Variants in JSRP1 observed in about 807,000 individuals in gnomAD.
The protein encoded by JSRP1 is junctional sarcoplasmic reticulum protein 1, also known as 2310032K21Rik.
Under a neutral mutation model 21.4 loss-of-function variants are expected in JSRP1, and 29 were observed. That is an observed-to-expected ratio of 1.36 (90% CI 1.01 to 1.85). The LOEUF is 1.85. Ranked by LOEUF, JSRP1 falls within the 40% of genes most tolerant of loss-of-function variation. The probability of loss-of-function intolerance (pLI) is 0.00; values close to 1 mark genes in which losing one functional copy is unlikely to be tolerated. For synonymous variants in JSRP1, 221 were observed against 206.1 expected, an observed-to-expected ratio of 1.07 and a Z score of -0.62; for missense variants, 531 against 461.5, an observed-to-expected ratio of 1.15 and a Z score of -1.38.
chr19:2,252,930 C>T lies in JSRP1; in HGVS notation c.510G>A (p.Arg170=), dbSNP rs374778433. Residue 170 remains arginine, a synonymous_variant, in exon 6 of 7, where the codon AGG becomes AGA. Coordinates refer to ENST00000300961, the MANE Select transcript of JSRP1 (RefSeq NM_144616.4). The part of the protein sequence containing the change: ...EPWVPPSSAP[R]EPSSPLPKFE... ...CTCTTACCAGGGGCGACGATGGCTCCCTCGGGGCTGAGCTTGGCGGGACCC... is the reference window on the plus strand; with the variant it reads ...CTCTTACCAGGGGCGACGATGGCTCTCTCGGGGCTGAGCTTGGCGGGACCC... 8 of 1,610,040 alleles carry T rather than the reference C, an allele frequency of 5.0e-6. No homozygotes were observed. The African/African-American group carries it at 9.3e-5, about 19-fold the overall frequency.
In JSRP1 at chr19:2,254,260, G is replaced by A. The variant is rs753210490; in HGVS notation, c.189C>T (p.Pro63=). ...CGGCAGGCTCTTTTTCCATCTTCTT[G>A]GGCCTGGTGTCCACACTGGGGCCTT... ...VAEGPSVDTR[P]KKMEKEPAAR... Residue 63 remains proline, a synonymous_variant, in exon 4 of 7, where the codon CCC becomes CCT. Transcript: ENST00000300961. 1 of 1,604,436 alleles carries A rather than the reference G, an allele frequency of 6.2e-7. No homozygotes were observed. Among genetic ancestry groups the A allele is most frequent in the South Asian group, 1.1e-5 (1 of 89,964 alleles).
rs373864713 is a variant in JSRP1, at chr19:2,255,049, CCT to C, written c.109+155_109+156del. 2.3e-4 allele frequency among the ~76,000 whole-genome samples: 35 copies of C among 152,182 alleles called. 1 individual carries two copies. Among genetic ancestry groups the C allele is most frequent in the Middle Eastern group, 6.8e-3 (2 of 294 alleles). On this transcript the variant is annotated intron_variant, in intron 2 of 6. Transcript: ENST00000300961. ...CTTCCTTGGGGGCTCCTTACAGACCCCTGAGGCAGAAATGAGGGCCAGGGGTT... is the reference window on the plus strand; with the variant it reads ...CTTCCTTGGGGGCTCCTTACAGACCCGAGGCAGAAATGAGGGCCAGGGGTT...
At position 2,252,579 on chromosome 19, in the gene JSRP1, T is replaced by G; in HGVS notation, c.746A>C (p.Lys249Thr). The change falls in exon 7 of 7, where the codon AAG becomes ACG. Residue 249 changes from lysine (K) to threonine (T), a missense_variant. Lys to Thr is a moderately conservative substitution (Grantham distance 78, BLOSUM62 -1). Transcript: ENST00000300961. ...CTTAGGTCTCTCCTCCTTCCGCGGC[T>G]TCTCCTTCCGCGGCTTCCCCTCTCT... ...PRREGKPRKEKPRKEERPKKE... is the reference protein window; with the variant it reads ...PRREGKPRKETPRKEERPKKE... 3.1e-6 allele frequency: 5 copies of G among 1,612,536 alleles called. No individual in the cohort carries two copies. Among genetic ancestry groups the G allele is most frequent in the Non-Finnish European group, 4.2e-6 (5 of 1,179,780 alleles).
rs2025086026 is a variant in JSRP1 at position 2,253,014 on chromosome 19, A to T, written c.437-11T>A. 6.3e-7 allele frequency: 1 copy of T among 1,587,960 alleles called. No individual in the cohort carries two copies. Among genetic ancestry groups the T allele is most frequent in the Non-Finnish European group, 8.6e-7 (1 of 1,166,340 alleles). ...CCCCAGGGACGGCGTCTGCAGCGAC[A>T]GGGTCGGGACCCGAGTCAGCTGGGC... is the stretch of plus-strand genomic sequence containing the variant. On this transcript the variant is annotated splice_polypyrimidine_tract_variant and intron_variant, in intron 5 of 6. Transcript: ENST00000300961.
intron 1 of JSRP1, among the ~76,000 whole-genome samples, chr19:2,255,559 G>C (rs890369313): frequency 6.6e-6 from 1 of 152,196 alleles, no homozygotes; most frequent in African/African-American, 2.4e-5. Context: ...CTACCGCCCA[G>C]CCTCACTGGG....
intron 1 of JSRP1, 118 bp from the exon 2 acceptor site, chr19:2,255,462 T>G (rs1203339681): frequency 7.1e-6 from 4 of 562,656 alleles, no homozygotes; most frequent in Non-Finnish European, 1.3e-5. Flanking sequence ...CCCTCCTCAC[T>G]CGGCAAATTC....
In JSRP1 at chr19:2,253,620, C is replaced by A. The variant is rs1169421974; in HGVS notation, c.436G>T (p.Asp146Tyr). The A allele has an allele frequency of 1.3e-6, 2 of 1,482,886 alleles. No individual in the cohort carries two copies. The highest frequency in any genetic ancestry group is 1.8e-6 in the Non-Finnish European group (2 of 1,124,028). The allele number at this position is 1,482,886 out of a possible 1,614,324, so 91.9% of individuals were successfully genotyped here. Reference protein sequence around the residue: ...LLGSAFQLCRDAVPGEAALQA... With the variant: ...LLGSAFQLCRYAVPGEAALQA... ...CCACCTCTGGGGAGCCTGCGCTCAC[C>A]GCGGCACAGCTGGAAAGCCGAGCCC... Residue 146 changes from aspartate to tyrosine, a missense_variant and splice_region_variant, in exon 5 of 7, where the codon GAC becomes TAC. Physicochemically the swap from Asp to Tyr is radical, Grantham distance 160 (BLOSUM62 -3). Transcript: ENST00000300961.
At chr19:2,253,907 C>T in intron 4 of JSRP1, 114 bp from the exon 5 acceptor site, 2 of 1,215,966 alleles carry the variant, frequency 1.6e-6, no homozygotes, top group Non-Finnish European at 2.1e-6. Flanking sequence ...CTCTGCCTGC[C>T]TGTGCGGCCC....
At position 2,253,722 on chromosome 19, in the gene JSRP1, C is replaced by CCGGGGG; in HGVS notation, c.328_333dup (p.Pro110_Pro111dup). 1 of 1,492,100 alleles carries CCGGGGG rather than the reference C, an allele frequency of 6.7e-7. No individual in the cohort carries two copies. The highest frequency in any genetic ancestry group is 8.9e-7 in the Non-Finnish European group (1 of 1,128,974). 92.4% of individuals were successfully genotyped at this position (1,492,100 alleles called of 1,614,324 possible). A position where few individuals can be genotyped will look rare whatever the true frequency, so the allele number is the denominator to read the frequency against. On this transcript the variant is annotated inframe_insertion, in exon 5 of 7. Transcript: ENST00000300961. ...CCCCAGGGCAGCTCCTCGCTCAGGGCCGGGGGCGGCGGCGGCGGCTGCAGG... is the reference window on the plus strand; with the variant it reads ...CCCCAGGGCAGCTCCTCGCTCAGGGCCGGGGGCGGGGGCGGCGGCGGCGGCTGCAGG...
chr19:2,254,159 A>G (rs1329971316), intron 4 of JSRP1, 28 bp downstream of exon 4: 1 of 1,536,984 alleles, frequency 6.5e-7, no homozygotes, highest in Non-Finnish European at 8.9e-7. Flanking sequence ...CCCACCCCAC[A>G]CCTCACCCAT....
rs781295509 is a variant in JSRP1 at position 2,252,376 on chromosome 19, G to A, written c.949C>T (p.Arg317Trp). The A allele has an allele frequency of 3.2e-6, 5 of 1,579,190 alleles. No homozygotes were observed. The highest frequency in any genetic ancestry group is 1.1e-5 in the South Asian group (1 of 88,132). The change falls in exon 7 of 7, where the codon CGG (arginine) becomes TGG (tryptophan). Residue 317 changes from arginine to tryptophan, a missense_variant. By Grantham distance (101) the Arg-to-Trp change is moderately radical (BLOSUM62 -3). Coordinates refer to ENST00000300961, the MANE Select transcript of JSRP1 (RefSeq NM_144616.4). Reference protein sequence around the residue: ...VSPRRPDEEQRPGSRQKLRAG... With the variant: ...VSPRRPDEEQWPGSRQKLRAG... ...CGGAGCTTCTGGCGACTCCCAGGCC[G>A]CTGCTCCTCGTCGGGACGCCTCGGG...
At position 2,253,806 on chromosome 19, in the gene JSRP1, G is replaced by T; in HGVS notation, c.263-13C>A. ...ACGCTCCGAGGGCCTGCGGGGGCAA[G>T]TGCGCGCTGCGCTGTGGTCACTGGC... is the stretch of plus-strand genomic sequence containing the variant. On this transcript the variant is annotated splice_polypyrimidine_tract_variant and intron_variant, in intron 4 of 6. Coordinates refer to ENST00000300961, the MANE Select transcript of JSRP1 (RefSeq NM_144616.4). The T allele has an allele frequency of 7.2e-7, 1 of 1,380,048 alleles. No homozygotes were observed. The highest frequency in any genetic ancestry group is 9.3e-7 in the Non-Finnish European group (1 of 1,078,324). 85.5% of individuals were successfully genotyped at this position (1,380,048 alleles called of 1,614,324 possible). A position where few individuals can be genotyped will look rare whatever the true frequency, so the allele number is the denominator to read the frequency against.
chr19:2,254,193 C>T lies in JSRP1; in HGVS notation c.256G>A (p.Gly86Arg), dbSNP rs545313781. 105 of 1,601,436 alleles carry T rather than the reference C, an allele frequency of 6.6e-5. 1 individual carries two copies. In the Admixed American group the frequency reaches 1.1e-3, roughly 17 times the overall value. Reference sequence around the variant, plus strand: ...ATGCCTCCTGCAAACCCACTCGCTCCGGCTTTCAGCCTCTCCTTCCCCGTT... The same window carrying T: ...ATGCCTCCTGCAAACCCACTCGCTCTGGCTTTCAGCCTCTCCTTCCCCGTT... ...PGTGKERLKA[G>R]ASPRSVPARK... Residue 86 changes from glycine to arginine, a missense_variant, in exon 4 of 7, where the codon GGA becomes AGA. Transcript: ENST00000300961.
Position 2,252,962 on chromosome 19 carries a change from C to A in JSRP1, c.478G>T (p.Glu160Ter). 1 of 1,609,386 alleles carries A rather than the reference C, an allele frequency of 6.2e-7. No individual in the cohort carries two copies. Among genetic ancestry groups the A allele is most frequent in the Non-Finnish European group, 8.5e-7 (1 of 1,178,464 alleles). Reference sequence around the variant, plus strand: ...GCTGAGCTTGGCGGGACCCAGGGCTCGGGCACACGTGCTTGGAGTGCTGCC... The same window carrying A: ...GCTGAGCTTGGCGGGACCCAGGGCTAGGGCACACGTGCTTGGAGTGCTGCC... ...GEAALQARVP[E>*]PWVPPSSAPR... is the part of the protein sequence containing the mutation. The change falls in exon 6 of 7, where the codon GAG (glutamate) becomes TAG (stop). Residue 160 changes from glutamate (E) to a stop codon, truncating the protein, a stop_gained. Coordinates refer to ENST00000300961, the MANE Select transcript of JSRP1 (RefSeq NM_144616.4). LOFTEE classifies it low-confidence loss of function (END_TRUNC).
At chr19:2,255,176 G>T in intron 2 of JSRP1, 30 bp downstream of exon 2, 1 of 1,489,542 alleles carries the variant, frequency 6.7e-7, no homozygotes, top group Non-Finnish European at 9.2e-7. Context: ...ATCAGGGAAG[G>T]GCTTCCTCCC....
intron 1 of JSRP1, among the ~76,000 whole-genome samples, chr19:2,256,052 G>T (rs2025142012): frequency 6.6e-6 from 1 of 152,234 alleles, no homozygotes; most frequent in Admixed American, 6.5e-5. Flanking sequence ...CCATTGGCTG[G>T]AGGTCGCAAG....
intron 3 of JSRP1, 50 bp from the exon 4 acceptor site, chr19:2,254,351 T>C (rs903534314): frequency 2.5e-6 from 4 of 1,599,712 alleles, no homozygotes; most frequent in Non-Finnish European, 3.4e-6. Flanking sequence ...TGCCAAACCC[T>C]TCCCGTGGGC....
chr19:2,252,677 G>A lies in JSRP1; in HGVS notation c.648C>T (p.Gly216=), dbSNP rs775356580. 6.2e-7 allele frequency: 1 copy of A among 1,612,038 alleles called. No homozygotes were observed. Among genetic ancestry groups the A allele is most frequent in the Non-Finnish European group, 8.5e-7 (1 of 1,179,918 alleles). ...EAAENDEEEP[G]EATGEAVRED... ...CCCGGACGGCCTCTCCGGTGGCCTC[G>A]CCGGGCTCCTCTTCGTCGTTCTCTG... The change falls in exon 7 of 7, where the codon GGC becomes GGT. Residue 216 remains glycine (G), a synonymous_variant. Transcript: ENST00000300961.
chr19:2,255,202 G>C lies in JSRP1; in HGVS notation c.109+4C>G. On this transcript the variant is annotated splice_donor_region_variant and intron_variant, in intron 2 of 6. Coordinates refer to ENST00000300961, the MANE Select transcript of JSRP1 (RefSeq NM_144616.4). ...GCTTCCTCCCGCCAGCGCCACAAGG[G>C]TACCTGAAGCCCTGTCCTCCTGGGT... 6.3e-7 allele frequency: 1 copy of C among 1,583,434 alleles called. No homozygotes were observed. The highest frequency in any genetic ancestry group is 8.6e-7 in the Non-Finnish European group (1 of 1,159,026).
Sources: allele counts gnomAD v4.1 joint callset (sites outside exome capture counted in the v4.1 genomes callset), GRCh38; gene constraint gnomAD v4.1.1; transcripts MANE v1.5; gene names NCBI Gene and HGNC (gene_info 2026-07-23, HGNC 2026-07-21).